Variants in DEAF1 observed in about 807,000 individuals in gnomAD.
The protein encoded by DEAF1 is DEAF1 transcription factor.
Under a neutral mutation model 58.9 loss-of-function variants are expected in DEAF1, and 53 were observed. The observed-to-expected ratio is 0.90, with a 90% confidence interval of 0.72 to 1.13. DEAF1 has a LOEUF of 1.13. Among genes scored for constraint, DEAF1 ranks in the 50% most tolerant of loss-of-function variants. The pLI, the probability that DEAF1 is intolerant of heterozygous loss-of-function variation, is 0.00. For missense variants in DEAF1, 685 were observed against 791.4 expected, an observed-to-expected ratio of 0.87 and a Z score of 1.61; for synonymous variants, 385 against 340.4, an observed-to-expected ratio of 1.13 and a Z score of -1.44.
rs753836757 is a variant in DEAF1, at chr11:691,484, C to G, written c.387+17G>C. The G allele has an allele frequency of 8.7e-6, 14 of 1,609,830 alleles. No individual in the cohort carries two copies. The highest frequency in any genetic ancestry group is 1.2e-5 in the Non-Finnish European group (14 of 1,179,480). On this transcript the variant is annotated intron_variant, in intron 2 of 11. Coordinates refer to ENST00000382409, the MANE Select transcript of DEAF1 (RefSeq NM_021008.4). Reference sequence around the variant, plus strand: ...TGGCACCACCCGCCCTGGGCTGTGCCCCTCGGAGCAGCTTACCAGAACATG... The same window carrying G: ...TGGCACCACCCGCCCTGGGCTGTGCGCCTCGGAGCAGCTTACCAGAACATG...
intron 10 of DEAF1, among the ~76,000 whole-genome samples, chr11:670,207 C>T (rs1859749979): frequency 6.6e-6 from 1 of 151,968 alleles, no homozygotes; most frequent in South Asian, 2.1e-4. Flanking sequence ...TCAAAACTCA[C>T]TACATTTTAT....
intron 1 of DEAF1, among the ~76,000 whole-genome samples, 169 bp from the exon 2 acceptor site, chr11:691,767 TTGTC>T (rs1018071863): frequency 6.6e-6 from 1 of 152,150 alleles, no homozygotes; most frequent in African/African-American, 2.4e-5. Flanking sequence ...TTCTATTCCA[TTGTC>T]TAAGTCATTC....
At chr11:673,511 G>A (rs1001498242) in intron 10 of DEAF1, among the ~76,000 whole-genome samples, 1 of 152,194 alleles carries the variant, frequency 6.6e-6, no homozygotes, top group Non-Finnish European at 1.5e-5. Context: ...CTGGGCGACA[G>A]AGTGACAGCC....
intron 2 of DEAF1, among the ~76,000 whole-genome samples, chr11:691,216 G>A (rs895108231): frequency 1.4e-4 from 22 of 152,252 alleles, no homozygotes; most frequent in Non-Finnish European, 2.4e-4. Flanking sequence ...AACTGTGGCC[G>A]GACAGCAGCC....
intron 1 of DEAF1, chr11:703,309 C>T (rs1454063840): frequency 7.0e-7 from 1 of 1,422,266 alleles, no homozygotes; most frequent in Non-Finnish European, 9.2e-7. Flanking sequence ...GGAGTGGGAG[C>T]AGGAGCCAGG....
intron 2 of DEAF1, among the ~76,000 whole-genome samples, chr11:690,705 C>T (rs966207879): frequency 4.6e-5 from 7 of 152,306 alleles, no homozygotes; most frequent in African/African-American, 1.7e-4. Flanking sequence ...GAGATTGCAC[C>T]ACTGCACTCC....
chr11:681,049 T>C lies in DEAF1; in HGVS notation c.911A>G (p.Lys304Arg). The change falls in exon 7 of 12, where the codon AAG becomes AGG. Residue 304 changes from lysine (K) to arginine (R), a missense_variant. This residue lies in a region of DEAF1 where 343 missense variants were observed against 379.8 expected (regional missense o/e 0.90). Transcript: ENST00000382409. ...AGTTGTGGGCAGTTCATTCTCCTTCTTGCGCCTTTTGTAAGGCACAAAAAG... is the reference window on the plus strand; with the variant it reads ...AGTTGTGGGCAGTTCATTCTCCTTCCTGCGCCTTTTGTAAGGCACAAAAAG... ...VRLFVPYKRRKKENELPTTPV... is the reference protein window; with the variant it reads ...VRLFVPYKRRRKENELPTTPV... 1 of 1,614,154 alleles carries C rather than the reference T, an allele frequency of 6.2e-7. No individual in the cohort carries two copies. The highest frequency in any genetic ancestry group is 8.5e-7 in the Non-Finnish European group (1 of 1,180,022).
chr11:703,536 C>G, intron 1 of DEAF1: 1 of 1,234,994 alleles, frequency 8.1e-7, no homozygotes, highest in Non-Finnish European at 1.0e-6. Flanking sequence ...CACTGCATCC[C>G]CCATCACCCC....
chr11:682,303 G>A (rs902205023), intron 6 of DEAF1, among the ~76,000 whole-genome samples: 1 of 152,216 alleles, frequency 6.6e-6, no homozygotes, highest in African/African-American at 2.4e-5. Context: ...AATTAAATTA[G>A]GGCTTCTTTA....
rs1858920468 is a variant in DEAF1 at position 653,989 on chromosome 11, G to A, written c.1566C>T (p.Asn522=). ...MSECTGCHKV[N]YCSTFCQRKD... is the part of the protein sequence containing the mutation. ...TGCGTTGGCAGAAGGTGGAGCAGTA[G>A]TTGACCTTGTGGCAGCCGGTGCACT... Residue 522 remains asparagine, a synonymous_variant, in exon 11 of 12, where the codon AAC becomes AAT. Transcript: ENST00000382409. 6.2e-7 allele frequency: 1 copy of A among 1,613,944 alleles called. No individual in the cohort carries two copies. The highest frequency in any genetic ancestry group is 2.2e-5 in the East Asian group (1 of 44,858).
At chr11:703,888 C>T in intron 1 of DEAF1, 1 of 1,240,712 alleles carries the variant, frequency 8.1e-7, no homozygotes, top group Non-Finnish European at 1.0e-6. Context: ...CCTCCGTCCA[C>T]TCCAGTTTTA....
In DEAF1 at chr11:694,747, G is replaced by A. The variant is rs1254367995; in HGVS notation, c.289+12C>T. On this transcript the variant is annotated intron_variant, in intron 1 of 11. Transcript: ENST00000382409. ...GAACCGGACGAGGCGAGAGGCCGGC[G>A]GGCGCACTTGCCTGCGAAGGCTGCG... 2.3e-6 allele frequency: 3 copies of A among 1,291,766 alleles called. No homozygotes were observed. The African/African-American group carries it at 4.7e-5, about 20-fold the overall frequency. The allele number at this position is 1,291,766 out of a possible 1,614,324, so 80.0% of individuals were successfully genotyped here.
intron 9 of DEAF1, among the ~76,000 whole-genome samples, 184 bp from the exon 10 acceptor site, chr11:674,967 C>T (rs1370140603): frequency 1.3e-5 from 2 of 151,778 alleles, no homozygotes; most frequent in Admixed American, 6.6e-5. Flanking sequence ...ACAGTGAAAC[C>T]CCGCGTTTCA....
rs535421770 is a variant in DEAF1 at position 681,722 on chromosome 11, T to A, written c.871-633A>T. On this transcript the variant is annotated intron_variant, in intron 6 of 11. Coordinates refer to ENST00000382409, the MANE Select transcript of DEAF1 (RefSeq NM_021008.4). ...ACCACGCCCGGCCGACTTTTTTTTTTAAATAATTTATATCTCTTCATTGAC... is the reference window on the plus strand; with the variant it reads ...ACCACGCCCGGCCGACTTTTTTTTTAAAATAATTTATATCTCTTCATTGAC... Among the ~76,000 whole-genome samples the A allele has an allele frequency of 2.8e-3, 420 of 152,194 alleles. 2 individuals carry two copies. The highest frequency in any genetic ancestry group is 9.2e-3 in the African/African-American group (383 of 41,524).
At chr11:662,106 G>T (rs907673610) in intron 10 of DEAF1, among the ~76,000 whole-genome samples, 1 of 152,286 alleles carries the variant, frequency 6.6e-6, no homozygotes, top group Admixed American at 6.5e-5. Flanking sequence ...AGACCAGCCT[G>T]GCCAACATGG....
rs776070678 is a variant in DEAF1 at position 679,694 on chromosome 11, C to T, written c.1120G>A (p.Ala374Thr). The change falls in exon 8 of 12, where the codon GCC becomes ACC. Residue 374 changes from alanine (A) to threonine (T), a missense_variant. By Grantham distance (58) the Ala-to-Thr change is moderately conservative. Coordinates refer to ENST00000382409, the MANE Select transcript of DEAF1 (RefSeq NM_021008.4). Reference protein sequence around the residue: ...SPAQGDVFAGATVQEASVQPP... With the variant: ...SPAQGDVFAGTTVQEASVQPP... ...AGGCACTGGAGCAGCTCACCTGTGG[C>T]CCCTGCGAAGACGTCGCCCTGGGCC... is the stretch of plus-strand genomic sequence containing the variant. The T allele has an allele frequency of 9.9e-6, 16 of 1,612,010 alleles. No individual in the cohort carries two copies. Among genetic ancestry groups the T allele is most frequent in the Middle Eastern group, 1.6e-4 (1 of 6,084 alleles).
chr11:690,331 G>GAGGGGAGGAGAGGGC (rs1860780496), intron 2 of DEAF1, among the ~76,000 whole-genome samples: 1 of 3,106 alleles, frequency 3.2e-4, no homozygotes, highest in Admixed American at 3.3e-3. Flanking sequence ...GAGGGCAGGG[G>GAGGGGAGGAGAGGGC]AGGGGAGGGC....
At chr11:680,822 G>GT in intron 7 of DEAF1, 141 bp downstream of exon 7, 1 of 1,251,966 alleles carries the variant, frequency 8.0e-7, no homozygotes, top group Non-Finnish European at 1.1e-6. Context: ...CTGCAAAGGA[G>GT]TGTGATGGCG....
At chr11:654,767 G>C in intron 10 of DEAF1, 1 of 395,104 alleles carries the variant, frequency 2.5e-6, no homozygotes, top group East Asian at 7.3e-5. Flanking sequence ...TACCTGGGAG[G>C]CTGAGGTGGG....
Sources: gnomAD v4.1 joint callset for allele counts (sites outside exome capture counted in the v4.1 genomes callset) on GRCh38, gnomAD v4.1.1 for gene constraint, gnomAD v4.1.1 regional missense constraint, MANE v1.5 for transcripts, NCBI Gene and HGNC (gene_info 2026-07-23, HGNC 2026-07-21) for gene names.